Variants in FHIP2A observed in about 807,000 individuals in gnomAD.
The protein encoded by FHIP2A is family with sequence similarity 160 member B1.
FHIP2A carries 46 observed loss-of-function variants against 93.5 expected under a neutral mutation model. The ratio of observed to expected loss-of-function variants is 0.49; its 90% CI spans 0.39 to 0.63. The LOEUF (loss-of-function observed/expected upper bound fraction) is 0.63, where lower values mean the gene tolerates loss of function less well. Among genes scored for constraint, FHIP2A ranks in the 20% least tolerant of loss-of-function variants. FHIP2A has a pLI of 0.00. For missense variants in FHIP2A, 769 were observed against 909.7 expected (o/e 0.85, Z 1.99); for synonymous variants, 332 against 326.5 (o/e 1.02, Z -0.18).
intron 13 of FHIP2A, among the ~76,000 whole-genome samples, chr10:114,854,137 G>GTTTTTTTTTTTTTTTTTTTTTT (rs758227621): frequency 7.2e-6 from 1 of 138,030 alleles, no homozygotes; most frequent in Non-Finnish European, 1.6e-5. Flanking sequence ...AAAGACCAGG[G>GTTTTTTTTTTTTTTTTTTTTTT]TTTTTTTTTT....
chr10:114,871,127 T>A (rs1014999680), intron 16 of FHIP2A, among the ~76,000 whole-genome samples: 15 of 148,202 alleles, frequency 1.0e-4, no homozygotes, highest in Admixed American at 2.7e-4. Context: ...TATATATATA[T>A]TATATATATA....
At chr10:114,838,535 A>G (rs755941431) in intron 5 of FHIP2A, among the ~76,000 whole-genome samples, 16 of 152,140 alleles carry the variant, frequency 1.1e-4, no homozygotes, top group Non-Finnish European at 2.1e-4. Context: ...CTTATGAGAA[A>G]TATCTCAGTT....
chr10:114,843,132 A>G lies in FHIP2A; in HGVS notation c.722A>G (p.Asn241Ser). The G allele has an allele frequency of 6.2e-7, 1 of 1,614,022 alleles. No individual in the cohort carries two copies. The highest frequency in any genetic ancestry group is 8.5e-7 in the Non-Finnish European group (1 of 1,179,954). The change falls in exon 6 of 17, where the codon AAC (asparagine) becomes AGC (serine). Residue 241 changes from asparagine (N) to serine (S), a missense_variant. Asn to Ser is a conservative substitution (Grantham distance 46). Transcript: ENST00000369248. Reference sequence around the variant, plus strand: ...GATCACCTGTCCACAAGCTTGGATAACCTCAGTGTCACCTCACTGCCAGAG... The same window carrying G: ...GATCACCTGTCCACAAGCTTGGATAGCCTCAGTGTCACCTCACTGCCAGAG... ...QMDHLSTSLD[N>S]LSVTSLPEAS...
intron 16 of FHIP2A, among the ~76,000 whole-genome samples, chr10:114,894,819 T>C (rs2083992687): frequency 6.6e-6 from 1 of 152,094 alleles, no homozygotes; most frequent in Non-Finnish European, 1.5e-5. Context: ...CGACCTAGAG[T>C]GTGTAGTAGA....
downstream of FHIP2A, among the ~76,000 whole-genome samples, chr10:114,868,621 C>G (rs1029184348): frequency 9.2e-5 from 14 of 151,908 alleles, no homozygotes; most frequent in South Asian, 2.1e-4. Context: ...ATTGAAGAAC[C>G]ACAACCTTAC....
rs1474789862 is a variant in FHIP2A at position 114,830,852 on chromosome 10, C to T, written c.46C>T (p.Leu16Phe). Residue 16 changes from leucine (L) to phenylalanine (F), a missense_variant and splice_region_variant, in exon 2 of 17, where the codon CTT becomes TTT. By Grantham distance (22) the Leu-to-Phe change is conservative. Transcript: ENST00000369248. The stretch of plus-strand genomic sequence containing the variant: ...TTGTTGTGGTCTTTTGTTTGTGTAG[C>T]TTGCACCTTCTCTTCCTTTACAAGA... ...TSILQHAVEA[L>F]APSLPLQEDF... 19 of 1,604,136 alleles carry T rather than the reference C, an allele frequency of 1.2e-5. No individual in the cohort carries two copies. The highest frequency in any genetic ancestry group is 1.6e-5 in the Non-Finnish European group (19 of 1,174,662).
rs187974167 is a variant in FHIP2A, at chr10:114,848,579, T to C, written c.1713-68T>C. The C allele has an allele frequency of 4.1e-4, 371 of 899,668 alleles. 8 individuals carry two copies. In the East Asian group the frequency reaches 8.5e-3, roughly 21 times the overall value. 55.7% of individuals were successfully genotyped at this position (899,668 alleles called of 1,614,324 possible). A position where few individuals can be genotyped will look rare whatever the true frequency, so the allele number is the denominator to read the frequency against. ...GAGTATTGATTATGGTCTTTTTCAC[T>C]TCTACTTTTTCCTTTTTTTTTTCAT... On this transcript the variant is annotated intron_variant, in intron 12 of 16. Transcript: ENST00000369248.
chr10:114,855,726 A>T lies in FHIP2A; in HGVS notation c.1947+386A>T, dbSNP rs577070757. On this transcript the variant is annotated intron_variant, in intron 14 of 16. Transcript: ENST00000369248. ...TGTCATTTCAGATTGAATCTTGAAC[A>T]CTGGTCTCAGTAAAATCACAGAATA... Among the ~76,000 whole-genome samples, 5 of 152,330 alleles carry T rather than the reference A, an allele frequency of 3.3e-5. No individual in the cohort carries two copies. The South Asian group carries it at 1.0e-3, about 32-fold the overall frequency.
At chr10:114,879,500 GTAA>G (rs2083906130) in intron 16 of FHIP2A, among the ~76,000 whole-genome samples, 1 of 152,122 alleles carries the variant, frequency 6.6e-6, no homozygotes, top group Non-Finnish European at 1.5e-5. Context: ...TTCAAGAAAG[GTAA>G]TGATGCAGGA....
intron 1 of FHIP2A, among the ~76,000 whole-genome samples, chr10:114,822,864 A>C (rs2083544631): frequency 6.6e-6 from 1 of 152,218 alleles, no homozygotes; most frequent in Admixed American, 6.5e-5. Context: ...TTTATCCTGC[A>C]ATTGTACTCT....
chr10:114,846,520 A>G (rs780695102), intron 10 of FHIP2A, 39 bp from the exon 11 acceptor site: 2 of 1,534,660 alleles, frequency 1.3e-6, no homozygotes, highest in Non-Finnish European at 8.8e-7. Context: ...ACTTATGTAA[A>G]GACATTTTTC....
chr10:114,845,568 A>G (rs745458282), intron 8 of FHIP2A, 87 bp downstream of exon 8: 29 of 775,288 alleles, frequency 3.7e-5, no homozygotes, highest in Non-Finnish European at 5.4e-5. Flanking sequence ...TATCCCAAAT[A>G]CATTTTAATT....
intron 2 of FHIP2A, among the ~76,000 whole-genome samples, chr10:114,832,245 A>T (rs2083611992): frequency 6.6e-6 from 1 of 152,180 alleles, no homozygotes; most frequent in Non-Finnish European, 1.5e-5. Context: ...ATTTTATTAT[A>T]AGAAATCAAT....
chr10:114,857,165 A>T (rs1439245365), intron 14 of FHIP2A, among the ~76,000 whole-genome samples: 1 of 152,072 alleles, frequency 6.6e-6, no homozygotes, highest in Non-Finnish European at 1.5e-5. Context: ...TTGGGTAAGA[A>T]CGTGGTATAG....
intron 13 of FHIP2A, among the ~76,000 whole-genome samples, chr10:114,849,670 T>C (rs2083723101): frequency 6.6e-6 from 1 of 152,208 alleles, no homozygotes; most frequent in African/African-American, 2.4e-5. Flanking sequence ...TTTTAGTATA[T>C]TCACAATGTT....
chr10:114,855,324 G>A lies in FHIP2A; in HGVS notation c.1931G>A (p.Gly644Glu). 1.2e-6 allele frequency: 2 copies of A among 1,613,736 alleles called. No homozygotes were observed. Among genetic ancestry groups the A allele is most frequent in the Non-Finnish European group, 1.7e-6 (2 of 1,179,716 alleles). The change falls in exon 14 of 17, where the codon GGA (glycine) becomes GAA (glutamate). Residue 644 changes from glycine to glutamate, a missense_variant. By Grantham distance (98) the Gly-to-Glu change is moderately conservative. Transcript: ENST00000369248. ...TTGAAAGTGCTGTTCGACAGAATGG[G>A]AAGAATTCTTGATCAGGTAATACAT... ...HFLKVLFDRMGRILDQPYDVN... is the reference protein window; with the variant it reads ...HFLKVLFDRMERILDQPYDVN...
intron 15 of FHIP2A, 129 bp downstream of exon 15, chr10:114,861,018 A>G: frequency 1.9e-6 from 2 of 1,037,472 alleles, no homozygotes; most frequent in South Asian, 3.4e-5. Flanking sequence ...ATTATTATAC[A>G]TTCTGAACTA....
At chr10:114,846,410 A>C (rs1418286513) in intron 10 of FHIP2A, 43 bp downstream of exon 10, 1 of 1,538,250 alleles carries the variant, frequency 6.5e-7, no homozygotes, top group East Asian at 2.3e-5. Context: ...GATTCTTTGA[A>C]ATACGGTTTT....
chr10:114,845,324 T>A (rs1231147966), intron 7 of FHIP2A, 43 bp from the exon 8 acceptor site: 1 of 1,157,930 alleles, frequency 8.6e-7, no homozygotes, highest in Admixed American at 1.7e-5. Context: ...GGGTCCATGC[T>A]TTTGGATAAC....
Sources: allele counts gnomAD v4.1 joint callset (sites outside exome capture counted in the v4.1 genomes callset), GRCh38; gene constraint gnomAD v4.1.1; transcripts MANE v1.5; gene names NCBI Gene and HGNC (gene_info 2026-07-23, HGNC 2026-07-21).